The following TEK variants were observed in gnomAD, a reference collection of about 807,000 sequenced individuals.
The protein encoded by TEK is TEK receptor tyrosine kinase.
In TEK, 43 loss-of-function variants were observed where a neutral mutation model predicts 131.8. The observed-to-expected ratio is 0.33, with a 90% CI of 0.26 to 0.42. The LOEUF is 0.42. TEK is among the 10% of genes least tolerant of loss of function. The pLI is 1.00. For synonymous variants in TEK, 580 were observed against 491.6 expected (o/e 1.18, Z -2.38); for missense variants, 1,162 against 1,384.4 (o/e 0.84, Z 2.55).
At chr9:27,218,130 T>TTGGA (rs9298888) in intron 19 of TEK, among the ~76,000 whole-genome samples, 55 of 139,634 alleles carry the variant, frequency 3.9e-4, no homozygotes, top group African/African-American at 1.3e-3. Context: ...GGCCAGACAG[T>TTGGA]GGCGGGGGTC....
chr9:27,114,464 G>A (rs761717613), intron 1 of TEK, among the ~76,000 whole-genome samples: 4 of 152,072 alleles, frequency 2.6e-5, no homozygotes, highest in Admixed American at 2.0e-4. Context: ...CCAGCTACTC[G>A]GAAGGTTGAG....
intron 8 of TEK, 46 bp from the exon 9 acceptor site, chr9:27,185,439 T>G: frequency 6.2e-7 from 1 of 1,612,476 alleles, no homozygotes; most frequent in Non-Finnish European, 8.5e-7. Context: ...CCTTTGCGTT[T>G]ATGCCTCCCT....
chr9:27,224,436 G>T (rs1034528067), intron 21 of TEK, among the ~76,000 whole-genome samples: 5 of 152,118 alleles, frequency 3.3e-5, no homozygotes, highest in African/African-American at 9.7e-5. Context: ...TCATCCTTGG[G>T]ATGCAAGGCT....
chr9:27,121,908 T>C (rs586441), intron 1 of TEK, among the ~76,000 whole-genome samples: 26,246 of 152,204 alleles, frequency 0.17, 2,618 homozygotes, highest in African/African-American at 0.28. Flanking sequence ...AATGCTATCC[T>C]AGTGACATAA....
intron 1 of TEK, among the ~76,000 whole-genome samples, chr9:27,153,283 C>A (rs1333971697): frequency 6.8e-6 from 1 of 146,278 alleles, no homozygotes; most frequent in Non-Finnish European, 1.5e-5. Context: ...CCCGCCTCTA[C>A]TAAAAATAGA....
Position 27,109,310 on chromosome 9 carries a change from T to A in TEK, c.-281T>A, listed in dbSNP as rs1254111091. Reference sequence around the variant, plus strand: ...TGATGAATTGCGAGATGGATAGGGCTTGAGTGCCCCCAGCCCTGCTGATAC... The same window carrying A: ...TGATGAATTGCGAGATGGATAGGGCATGAGTGCCCCCAGCCCTGCTGATAC... On this transcript the variant is annotated 5_prime_UTR_variant, in exon 1 of 23. In the 5' UTR this introduces an upstream ATG that the reference lacks. Transcript: ENST00000380036. 1 of 571,110 alleles carries A rather than the reference T, an allele frequency of 1.8e-6. No homozygotes were observed. The highest frequency in any genetic ancestry group is 3.1e-6 in the Non-Finnish European group (1 of 326,056). The allele number at this position is 571,110 out of a possible 1,614,324, so 35.4% of individuals were successfully genotyped here. A position where few individuals can be genotyped will look rare whatever the true frequency, so the allele number is the denominator to read the frequency against.
chr9:27,123,280 T>C (rs1003399761), intron 1 of TEK, among the ~76,000 whole-genome samples: 4 of 151,904 alleles, frequency 2.6e-5, no homozygotes, highest in Non-Finnish European at 4.4e-5. Flanking sequence ...TCTGTAAGCT[T>C]AATTATAGGG....
chr9:27,159,674 T>C (rs1334706302), intron 2 of TEK, among the ~76,000 whole-genome samples: 2 of 152,294 alleles, frequency 1.3e-5, no homozygotes, highest in Admixed American at 1.3e-4. Flanking sequence ...TTAAGCTAAA[T>C]CTTTAGACCA....
intron 4 of TEK, among the ~76,000 whole-genome samples, chr9:27,170,623 A>G (rs601359): frequency 0.038 from 5,841 of 152,284 alleles, 378 homozygotes; most frequent in African/African-American, 0.13. Flanking sequence ...AACAAAAACT[A>G]TAAAGCAAGT....
chr9:27,148,209 T>G (rs946472088), intron 1 of TEK, among the ~76,000 whole-genome samples: 1 of 152,238 alleles, frequency 6.6e-6, no homozygotes, highest in African/African-American at 2.4e-5. Context: ...TATAGATGTT[T>G]CTATTCAACA....
At chr9:27,198,957 C>T (rs1285532958) in intron 12 of TEK, among the ~76,000 whole-genome samples, 2 of 152,108 alleles carry the variant, frequency 1.3e-5, no homozygotes, top group Admixed American at 6.5e-5. Flanking sequence ...GCCACCACAC[C>T]TGACTTTTTT....
At position 27,158,034 on chromosome 9, in the gene TEK, G is replaced by T. The variant is rs759283621; in HGVS notation, c.256G>T (p.Val86Phe). Reference protein sequence around the residue: ...QDVTREWAKKVVWKREKASKI... With the variant: ...QDVTREWAKKFVWKREKASKI... ...TGTGACCAGAGAATGGGCTAAAAAA[G>T]TTGTTTGGAAGAGAGAAAAGGCTAG... The change falls in exon 2 of 23, where the codon GTT (valine) becomes TTT (phenylalanine). Residue 86 changes from valine to phenylalanine, a missense_variant. Coordinates refer to ENST00000380036, the MANE Select transcript of TEK (RefSeq NM_000459.5). The T allele has an allele frequency of 1.2e-6, 2 of 1,614,074 alleles. No individual in the cohort carries two copies. Among genetic ancestry groups the T allele is most frequent in the Non-Finnish European group, 1.7e-6 (2 of 1,179,994 alleles).
intron 1 of TEK, among the ~76,000 whole-genome samples, chr9:27,119,907 G>T (rs939231750): frequency 1.3e-5 from 2 of 151,956 alleles, no homozygotes; most frequent in Non-Finnish European, 2.9e-5. Flanking sequence ...GTGTGTGCAT[G>T]TGGGTGTGGA....
chr9:27,173,441 C>A, intron 6 of TEK, 79 bp downstream of exon 6: 1 of 1,578,516 alleles, frequency 6.3e-7, no homozygotes, highest in Non-Finnish European at 8.7e-7. Flanking sequence ...TCAATCACAA[C>A]ATCGGATATA....
chr9:27,206,493 A>C (rs1394406929), intron 14 of TEK, 89 bp from the exon 15 acceptor site: 1 of 1,337,122 alleles, frequency 7.5e-7, no homozygotes, highest in African/African-American at 1.5e-5. Flanking sequence ...TTCTTTTTTC[A>C]TCTGGTGTGG....
intron 1 of TEK, among the ~76,000 whole-genome samples, chr9:27,110,609 T>C (rs2131019973): frequency 6.6e-6 from 1 of 152,308 alleles, no homozygotes; most frequent in East Asian, 1.9e-4. Flanking sequence ...TTCATGGATA[T>C]AGGGCATATT....
chr9:27,203,199 G>A, intron 13 of TEK, 80 bp downstream of exon 13: 1 of 1,504,932 alleles, frequency 6.6e-7, no homozygotes, highest in Non-Finnish European at 9.2e-7. Flanking sequence ...AGGCCTGTGA[G>A]ATGAAAGCCT....
At chr9:27,197,693 A>C in intron 12 of TEK, 94 bp downstream of exon 12, 2 of 1,521,764 alleles carry the variant, frequency 1.3e-6, no homozygotes, top group Non-Finnish European at 1.8e-6. Context: ...ATTGGAAATT[A>C]TGAAAGAAAG....
chr9:27,145,666 A>G (rs1324610363), intron 1 of TEK, among the ~76,000 whole-genome samples: 2 of 152,238 alleles, frequency 1.3e-5, no homozygotes, highest in African/African-American at 2.4e-5. Context: ...TTCACAAAAT[A>G]GTCACCTGGG....
Sources: gnomAD v4.1 joint callset for allele counts (sites outside exome capture counted in the v4.1 genomes callset) on GRCh38, gnomAD v4.1.1 for gene constraint, MANE v1.5 for transcripts, NCBI Gene and HGNC (gene_info 2026-07-23, HGNC 2026-07-21) for gene names.